Variants in DGKE observed in about 807,000 individuals in gnomAD.
DGKE encodes DAG kinase epsilon.
Under a neutral mutation model 70.0 loss-of-function variants are expected in DGKE, and 53 were observed. The ratio of observed to expected loss-of-function variants is 0.76; its 90% CI spans 0.61 to 0.95. The LOEUF (loss-of-function observed/expected upper bound fraction) is 0.95. Among genes scored for constraint, DGKE ranks in the 40% least tolerant of loss-of-function variants. The pLI is 0.00. For synonymous variants in DGKE, 291 were observed against 257.0 expected (o/e 1.13, Z -1.27); for missense variants, 655 against 706.9 (o/e 0.93, Z 0.83).
At position 56,859,664 on chromosome 17, in the gene DGKE, C is replaced by T. The variant is rs141669912; in HGVS notation, c.1284+999C>T. 6.7e-3 allele frequency among the ~76,000 whole-genome samples: 1,026 copies of T among 152,110 alleles called. 16 individuals carry two copies. Among genetic ancestry groups the T allele is most frequent in the African/African-American group, 0.023 (972 of 41,526 alleles). On this transcript the variant is annotated intron_variant, in intron 9 of 11. Coordinates refer to ENST00000284061, the MANE Select transcript of DGKE (RefSeq NM_003647.3). Reference sequence around the variant, plus strand: ...CGATCTCCTGACCTCGTGATCTGCCCGACTCAGCCTCCCAAAGTGCTGGGA... The same window carrying T: ...CGATCTCCTGACCTCGTGATCTGCCTGACTCAGCCTCCCAAAGTGCTGGGA...
chr17:56,845,588 T>A, intron 3 of DGKE, 102 bp from the exon 4 acceptor site: 1 of 1,275,124 alleles, frequency 7.8e-7, no homozygotes, highest in Non-Finnish European at 1.0e-6. Flanking sequence ...CTAGTATAGT[T>A]TTTATTTCAG....
intron 4 of DGKE, 161 bp from the exon 5 acceptor site, chr17:56,847,761 A>G (rs1297321132): frequency 5.2e-6 from 2 of 384,214 alleles, no homozygotes; most frequent in South Asian, 7.0e-5. Flanking sequence ...GATGAGCTAC[A>G]ATGAATATAA....
chr17:56,835,448 T>C, intron 2 of DGKE, 189 bp downstream of exon 2: 1 of 637,304 alleles, frequency 1.6e-6, no homozygotes, highest in Non-Finnish European at 2.6e-6. Context: ...GCTGAGACGA[T>C]GCATCCAGCC....
Position 56,869,158 on chromosome 17 carries a change from T to C in DGKE, c.*6367T>C, listed in dbSNP as rs1908649758. 2 of 152,210 alleles carry C rather than the reference T, an allele frequency of 1.3e-5. No individual in the cohort carries two copies. Among genetic ancestry groups the C allele is most frequent in the South Asian group, 4.1e-4 (2 of 4,828 alleles). The allele number at this position is 152,210 out of a possible 1,614,324, so 9.4% of individuals were successfully genotyped here. A position where few individuals can be genotyped will look rare whatever the true frequency, so the allele number is the denominator to read the frequency against. On this transcript the variant is annotated 3_prime_UTR_variant, in exon 12 of 12. Transcript: ENST00000284061. Reference sequence around the variant, plus strand: ...GGGCAAGCAACGAAGGTAAGAGTTGTAGAGACTTCGGTAAACTGGAGCACA... The same window carrying C: ...GGGCAAGCAACGAAGGTAAGAGTTGCAGAGACTTCGGTAAACTGGAGCACA...
In DGKE at chr17:56,845,691, T is replaced by C. The variant is rs200253169; in HGVS notation, c.626T>C (p.Leu209Pro). 3.6e-5 allele frequency: 58 copies of C among 1,603,222 alleles called. No homozygotes were observed. Among genetic ancestry groups the C allele is most frequent in the African/African-American group, 1.3e-5 (1 of 74,160 alleles). The change falls in exon 4 of 12, where the codon CTA becomes CCA. Residue 209 changes from leucine to proline, a missense_variant and splice_region_variant. Coordinates refer to ENST00000284061, the MANE Select transcript of DGKE (RefSeq NM_003647.3). The part of the protein sequence containing the change: ...RKDKKTDYEV[L>P]ASKLGKQWTP... ...TTCACTCATGGCAATTTTTTTTAGCTAGCCTCTAAGCTTGGAAAGCAGTGG... is the reference window on the plus strand; with the variant it reads ...TTCACTCATGGCAATTTTTTTTAGCCAGCCTCTAAGCTTGGAAAGCAGTGG...
At chr17:56,850,347 G>A (rs1203172192) in intron 7 of DGKE, among the ~76,000 whole-genome samples, 6 of 151,868 alleles carry the variant, frequency 4.0e-5, no homozygotes, top group Admixed American at 3.9e-4. Flanking sequence ...TGTCCAGGCT[G>A]GTCTCGAACT....
At chr17:56,843,901 T>C (rs958295432) in intron 2 of DGKE, 118 bp from the exon 3 acceptor site, 2 of 976,204 alleles carry the variant, frequency 2.0e-6, no homozygotes, top group Non-Finnish European at 2.9e-6. Context: ...ATTTGCCAAA[T>C]GTTATGGTAA....
intron 7 of DGKE, among the ~76,000 whole-genome samples, chr17:56,849,608 T>C (rs970769890): frequency 7.2e-5 from 11 of 152,074 alleles, no homozygotes; most frequent in African/African-American, 2.4e-4. Flanking sequence ...AATGTGAAAA[T>C]AGCTCAGAAG....
intron 2 of DGKE, chr17:56,836,499 G>T (rs1906631487): frequency 1.3e-5 from 2 of 152,076 alleles, no homozygotes; most frequent in East Asian, 1.9e-4. Context: ...CCCTTCTCTG[G>T]TGTAGCCTCC....
intron 6 of DGKE, 152 bp from the exon 7 acceptor site, chr17:56,849,029 T>G (rs370649108): frequency 2.7e-6 from 3 of 1,130,946 alleles, no homozygotes; most frequent in East Asian, 5.1e-5. Flanking sequence ...AGTAATAAGT[T>G]ACACTGAGTA....
Position 56,844,542 on chromosome 17 carries a change from T to C in DGKE, c.624+364T>C, listed in dbSNP as rs543295733. Among the ~76,000 whole-genome samples the C allele has an allele frequency of 5.3e-5, 8 of 152,314 alleles. No homozygotes were observed. In the South Asian group the frequency reaches 1.7e-3, roughly 32 times the overall value. On this transcript the variant is annotated intron_variant, in intron 3 of 11. Coordinates refer to ENST00000284061, the MANE Select transcript of DGKE (RefSeq NM_003647.3). ...CATATTTGATTTAGTAGGTATAGGGTAAGTCCAGGAATTCATCTTTTTTTT... is the reference window on the plus strand; with the variant it reads ...CATATTTGATTTAGTAGGTATAGGGCAAGTCCAGGAATTCATCTTTTTTTT...
At position 56,864,095 on chromosome 17, in the gene DGKE, T is replaced by C. The variant is rs1023668605; in HGVS notation, c.*1304T>C. 2 of 152,210 alleles carry C rather than the reference T, an allele frequency of 1.3e-5. No individual in the cohort carries two copies. Among genetic ancestry groups the C allele is most frequent in the Admixed American group, 6.5e-5 (1 of 15,286 alleles). The allele number at this position is 152,210 out of a possible 1,614,324, so 9.4% of individuals were successfully genotyped here. ...TTTGTTTCATTGTTTTATTTGCCCC[T>C]CAATTGCCACAAACTTACTGAAGGG... On this transcript the variant is annotated 3_prime_UTR_variant, in exon 12 of 12. Coordinates refer to ENST00000284061, the MANE Select transcript of DGKE (RefSeq NM_003647.3).
chr17:56,843,635 T>G (rs1470770510), intron 2 of DGKE, among the ~76,000 whole-genome samples: 1 of 151,910 alleles, frequency 6.6e-6, no homozygotes, highest in Non-Finnish European at 1.5e-5. Flanking sequence ...CCATCTCTAC[T>G]AAGAATATAA....
At chr17:56,851,397 C>G (rs1043639896) in intron 7 of DGKE, among the ~76,000 whole-genome samples, 1 of 152,148 alleles carries the variant, frequency 6.6e-6, no homozygotes, top group Admixed American at 6.5e-5. Flanking sequence ...GATCACTGGC[C>G]CTTTTCATCC....
chr17:56,849,493 T>C (rs1907520442), intron 7 of DGKE, among the ~76,000 whole-genome samples: 1 of 152,138 alleles, frequency 6.6e-6, no homozygotes, highest in African/African-American at 2.4e-5. Flanking sequence ...AGCAAAGGAC[T>C]TTCCAGGCAG....
chr17:56,851,104 G>A (rs1196124347), intron 7 of DGKE, among the ~76,000 whole-genome samples: 1 of 152,104 alleles, frequency 6.6e-6, no homozygotes, highest in African/African-American at 2.4e-5. Flanking sequence ...TGTGAAAATA[G>A]CTTAGAAGCC....
chr17:56,844,922 T>C (rs1907193027), intron 3 of DGKE, among the ~76,000 whole-genome samples: 1 of 152,210 alleles, frequency 6.6e-6, no homozygotes, highest in African/African-American at 2.4e-5. Context: ...ATTGTACCTT[T>C]TTCAAATTAA....
At position 56,855,584 on chromosome 17, in the gene DGKE, A is replaced by G. The variant is rs1055580942; in HGVS notation, c.1099-928A>G. Among the ~76,000 whole-genome samples, 15 of 152,210 alleles carry G rather than the reference A, an allele frequency of 9.9e-5. 1 individual carries two copies. The highest frequency in any genetic ancestry group is 8.5e-4 in the Admixed American group (13 of 15,274). ...GTCATCTAAAGGGTTACTGTGTCCT[A>G]TTAGCGATTGTGTCCAGCCATCCTT... On this transcript the variant is annotated intron_variant, in intron 7 of 11. Coordinates refer to ENST00000284061, the MANE Select transcript of DGKE (RefSeq NM_003647.3).
At chr17:56,835,401 A>G (rs1245583647) in intron 2 of DGKE, 142 bp downstream of exon 2, 8 of 888,632 alleles carry the variant, frequency 9.0e-6, no homozygotes, top group Non-Finnish European at 1.3e-5. Context: ...AACATCCCTG[A>G]GTTTGTGCAA....
Sources: allele counts gnomAD v4.1 joint callset (sites outside exome capture counted in the v4.1 genomes callset), GRCh38; gene constraint gnomAD v4.1.1; transcripts MANE v1.5; gene names NCBI Gene and HGNC (gene_info 2026-07-23, HGNC 2026-07-21).